The following RAB2A variants were observed in gnomAD, a reference collection of about 807,000 sequenced individuals.
RAB2A encodes the protein ras-related protein Rab-2A.
In RAB2A, 7 loss-of-function variants were observed where a neutral mutation model predicts 32.5. The ratio of observed to expected loss-of-function variants is 0.22; its 90% CI spans 0.12 to 0.40. The LOEUF (loss-of-function observed/expected upper bound fraction) is 0.40. Ranked by LOEUF, RAB2A falls within the 10% of genes least tolerant of loss-of-function variation. RAB2A has a pLI of 1.00. For missense variants in RAB2A, 108 were observed against 260.7 expected, an observed-to-expected ratio of 0.41 and a Z score of 4.03; for synonymous variants, 79 against 85.2, an observed-to-expected ratio of 0.93 and a Z score of 0.40.
Position 60,560,491 on chromosome 8 carries a change from G to A in RAB2A, c.118+1568G>A, listed in dbSNP as rs116784927. On this transcript the variant is annotated intron_variant, in intron 2 of 7. Coordinates refer to ENST00000262646, the MANE Select transcript of RAB2A (RefSeq NM_002865.3). ...GCATGACTCATTTCTAAGACAACTG[G>A]CAAAACAGTTGTATTTAGTATAGGA... 2.3e-3 allele frequency among the ~76,000 whole-genome samples: 343 copies of A among 152,224 alleles called. 1 individual carries two copies. The highest frequency in any genetic ancestry group is 7.8e-3 in the African/African-American group (324 of 41,526).
intron 6 of RAB2A, among the ~76,000 whole-genome samples, chr8:60,592,933 A>C (rs1803966599): frequency 6.6e-6 from 1 of 152,236 alleles, no homozygotes; most frequent in Admixed American, 6.5e-5. Context: ...GTTCTAAAAA[A>C]CAAATGAGTT....
chr8:60,578,664 A>G (rs1310234530), intron 3 of RAB2A, among the ~76,000 whole-genome samples: 2 of 152,228 alleles, frequency 1.3e-5, no homozygotes, highest in Admixed American at 1.3e-4. Context: ...TTTTTGAACT[A>G]CAGCTTAATA....
At chr8:60,616,637 C>T (rs777750470) in intron 6 of RAB2A, among the ~76,000 whole-genome samples, 9 of 152,252 alleles carry the variant, frequency 5.9e-5, no homozygotes, top group Non-Finnish European at 1.0e-4. Flanking sequence ...ACATGAAAAG[C>T]GCACTCGCGT....
intron 6 of RAB2A, among the ~76,000 whole-genome samples, chr8:60,595,161 A>G (rs975994645): frequency 6.6e-6 from 1 of 152,232 alleles, no homozygotes; most frequent in Admixed American, 6.5e-5. Context: ...TTAGAACACC[A>G]TAAAGGAAGA....
chr8:60,535,310 A>G (rs1271923536), intron 1 of RAB2A, among the ~76,000 whole-genome samples: 1 of 152,196 alleles, frequency 6.6e-6, no homozygotes, highest in Non-Finnish European at 1.5e-5. Context: ...CATTGATGAA[A>G]GTTCCTCTTT....
chr8:60,595,407 A>G (rs1804006213), intron 6 of RAB2A, among the ~76,000 whole-genome samples: 1 of 152,244 alleles, frequency 6.6e-6, no homozygotes, highest in African/African-American at 2.4e-5. Context: ...TCATATATCA[A>G]TAACTAAATG....
intron 2 of RAB2A, among the ~76,000 whole-genome samples, chr8:60,562,069 C>T (rs1808033988): frequency 1.3e-5 from 2 of 152,062 alleles, no homozygotes; most frequent in South Asian, 4.1e-4. Context: ...TTTTTCATAC[C>T]CTCAATCTTT....
At chr8:60,541,957 A>C (rs1807652814) in intron 1 of RAB2A, among the ~76,000 whole-genome samples, 1 of 152,184 alleles carries the variant, frequency 6.6e-6, no homozygotes, top group African/African-American at 2.4e-5. Flanking sequence ...CAGTTAAATA[A>C]ATTATTTTAT....
intron 6 of RAB2A, among the ~76,000 whole-genome samples, chr8:60,598,404 A>T (rs1167910448): frequency 1.3e-5 from 2 of 152,194 alleles, no homozygotes; most frequent in African/African-American, 2.4e-5. Flanking sequence ...TATAAAACTG[A>T]TTTTACTCTG....
At chr8:60,530,955 A>G (rs769002536) in intron 1 of RAB2A, among the ~76,000 whole-genome samples, 2 of 152,266 alleles carry the variant, frequency 1.3e-5, no homozygotes, top group Non-Finnish European at 2.9e-5. Flanking sequence ...TTACTAGTGC[A>G]CATGAACAAT....
At chr8:60,582,806 A>C (rs1803783608) in intron 3 of RAB2A, among the ~76,000 whole-genome samples, 1 of 152,200 alleles carries the variant, frequency 6.6e-6, no homozygotes, top group South Asian at 2.1e-4. Flanking sequence ...GAGCAGTAGG[A>C]TATAAATAAC....
chr8:60,615,988 T>G (rs1410401649), intron 6 of RAB2A, among the ~76,000 whole-genome samples: 1 of 152,192 alleles, frequency 6.6e-6, no homozygotes. Flanking sequence ...AGAAAATACT[T>G]GATTTTATTG....
intron 6 of RAB2A, among the ~76,000 whole-genome samples, chr8:60,596,077 A>G (rs1586104958): frequency 6.6e-6 from 1 of 152,232 alleles, no homozygotes; most frequent in East Asian, 1.9e-4. Context: ...ACGAGAGGGA[A>G]ATGTATATCA....
intron 2 of RAB2A, among the ~76,000 whole-genome samples, chr8:60,569,537 G>T (rs117055822): frequency 0.018 from 2,783 of 152,124 alleles, 45 homozygotes; most frequent in Non-Finnish European, 0.027. Context: ...TTGAGACAAG[G>T]TCTCACTCTG....
Position 60,620,722 on chromosome 8 carries a change from C to T in RAB2A, c.592C>T (p.His198Tyr). 1 of 1,613,958 alleles carries T rather than the reference C, an allele frequency of 6.2e-7. No individual in the cohort carries two copies. The highest frequency in any genetic ancestry group is 8.5e-7 in the Non-Finnish European group (1 of 1,179,976). The change falls in exon 8 of 8, where the codon CAT becomes TAT. Residue 198 changes from histidine (H) to tyrosine (Y), a missense_variant. By Grantham distance (83) the His-to-Tyr change is moderately conservative (BLOSUM62 2). Around this residue, in one of 4 missense-constraint regions of RAB2A, gnomAD observed 24 missense variants for 23.2 expected, o/e 1.04. Transcript: ENST00000262646. ...GPQHAATNATHAGNQGGQQAG... is the reference protein window; with the variant it reads ...GPQHAATNATYAGNQGGQQAG... ...TCAGCATGCTGCTACCAATGCAACA[C>T]ATGCAGGCAATCAGGGAGGACAGCA...
chr8:60,529,952 C>T (rs1028785563), intron 1 of RAB2A, among the ~76,000 whole-genome samples: 1 of 152,072 alleles, frequency 6.6e-6, no homozygotes, highest in African/African-American at 2.4e-5. Context: ...CCAAAGTAAT[C>T]AGTTGACTCA....
intron 1 of RAB2A, among the ~76,000 whole-genome samples, chr8:60,520,390 GTTAATTATCAA>G (rs1179831926): frequency 6.6e-6 from 1 of 152,186 alleles, no homozygotes; most frequent in African/African-American, 2.4e-5. Context: ...TTAATAAGCA[GTTAATTATCAA>G]GCATGGAGAG....
At chr8:60,523,353 T>A (rs1052356957) in intron 1 of RAB2A, among the ~76,000 whole-genome samples, 1 of 151,796 alleles carries the variant, frequency 6.6e-6, no homozygotes, top group African/African-American at 2.4e-5. Flanking sequence ...AAGACGGGCT[T>A]TCACTGTGTT....
intron 1 of RAB2A, among the ~76,000 whole-genome samples, chr8:60,551,321 G>T (rs143690441): frequency 6.6e-6 from 1 of 152,218 alleles, no homozygotes; most frequent in Admixed American, 6.5e-5. Flanking sequence ...GGAGATACAT[G>T]TGGCTAATGC....
Sources: allele counts gnomAD v4.1 joint callset (sites outside exome capture counted in the v4.1 genomes callset), GRCh38; gene constraint gnomAD v4.1.1; regional missense constraint gnomAD v4.1.1; transcripts MANE v1.5; gene names NCBI Gene and HGNC (gene_info 2026-07-23, HGNC 2026-07-21).